EMP1: variants seen among roughly 807,000 people sequenced by gnomAD.
EMP1 encodes epithelial membrane protein 1, also known as tumor-associated membrane protein.
A neutral mutation model predicts 15.7 loss-of-function variants in EMP1; 5 were observed. The ratio of observed to expected loss-of-function variants is 0.32; its 90% CI spans 0.17 to 0.67. EMP1 has a LOEUF of 0.67. Ranked by LOEUF, EMP1 falls within the 30% of genes least tolerant of loss-of-function variation. The pLI, the probability that EMP1 is intolerant of heterozygous loss-of-function variation, is 0.74. For missense variants in EMP1, 166 were observed against 194.2 expected (o/e 0.85, Z 0.86); for synonymous variants, 78 against 76.7 (o/e 1.02, Z -0.09).
At chr12:13,213,290 C>A in intron 2 of EMP1, 189 bp from the exon 3 acceptor site, 1 of 612,672 alleles carries the variant, frequency 1.6e-6, no homozygotes, top group Middle Eastern at 4.4e-4. Context: ...TGTCTCTTCT[C>A]TTGGCAACTT....
chr12:13,214,236 C>T lies in EMP1; in HGVS notation c.317-298C>T, dbSNP rs562402311. 7.3e-4 allele frequency: 435 copies of T among 595,122 alleles called. 4 individuals are homozygous for T. The South Asian group carries it at 8.2e-3, about 11-fold the overall frequency. The allele number at this position is 595,122 out of a possible 1,614,324, so 36.9% of individuals were successfully genotyped here. Reference sequence around the variant, plus strand: ...CTCTTTTGCATCCCTGAGTAGCTTTCCTAGACCCACAAGGGCCAGACAGGA... The same window carrying T: ...CTCTTTTGCATCCCTGAGTAGCTTTTCTAGACCCACAAGGGCCAGACAGGA... On this transcript the variant is annotated intron_variant, in intron 4 of 4. Transcript: ENST00000256951.
Position 13,216,520 on chromosome 12 carries a change from C to T in EMP1, c.*1829C>T. On this transcript the variant is annotated 3_prime_UTR_variant, in exon 5 of 5. Transcript: ENST00000256951. ...TAGTGCAAAAAACATACTTACATTT[C>T]AGACATATCCAAAGGGAATACTCAC... 1 of 697,946 alleles carries T rather than the reference C, an allele frequency of 1.4e-6. No homozygotes were observed. The highest frequency in any genetic ancestry group is 2.6e-6 in the Non-Finnish European group (1 of 382,252). The allele number at this position is 697,946 out of a possible 1,614,324, so 43.2% of individuals were successfully genotyped here. A position where few individuals can be genotyped will look rare whatever the true frequency, so the allele number is the denominator to read the frequency against.
rs780856718 is a variant in EMP1 at position 13,214,620 on chromosome 12, A to G, written c.403A>G (p.Ile135Val). The change falls in exon 5 of 5, where the codon ATC (isoleucine) becomes GTC (valine). Residue 135 changes from isoleucine to valine, a missense_variant. Transcript: ENST00000256951. ...GTQYHHGYSY[I>V]LGWICFCFSF... ...GCAGTATCACCACGGCTATTCCTAC[A>G]TCCTGGGCTGGATCTGCTTCTGCTT... 10 of 1,613,610 alleles carry G rather than the reference A, an allele frequency of 6.2e-6. No homozygotes were observed. Among genetic ancestry groups the G allele is most frequent in the Admixed American group, 5.0e-5 (3 of 59,976 alleles).
intron 1 of EMP1, chr12:13,209,571 A>G (rs1864145997): frequency 6.6e-6 from 1 of 152,196 alleles, no homozygotes; most frequent in Admixed American, 6.5e-5. Flanking sequence ...CAGCTAAAGC[A>G]ACCCCATTAT....
intron 1 of EMP1, among the ~76,000 whole-genome samples, chr12:13,207,040 T>G (rs1377394085): frequency 6.6e-6 from 1 of 152,076 alleles, no homozygotes; most frequent in African/African-American, 2.4e-5. Flanking sequence ...TTATCCCTCT[T>G]TCCCTTCCCT....
At chr12:13,202,256 C>T (rs1038421368) in intron 1 of EMP1, among the ~76,000 whole-genome samples, 1 of 152,190 alleles carries the variant, frequency 6.6e-6, no homozygotes, top group Non-Finnish European at 1.5e-5. Flanking sequence ...TCTTTTGTCG[C>T]ATTGGCTACT....
intron 1 of EMP1, among the ~76,000 whole-genome samples, chr12:13,210,653 G>T (rs558451951): frequency 6.6e-6 from 1 of 152,188 alleles, no homozygotes; most frequent in African/African-American, 2.4e-5. Context: ...CAAGGAGAAG[G>T]CACATTTGGT....
In EMP1 at chr12:13,218,961, C is replaced by T. The variant is rs1488891261; in HGVS notation, c.*4270C>T. 2 of 152,206 alleles carry T rather than the reference C, an allele frequency of 1.3e-5. No individual in the cohort carries two copies. The highest frequency in any genetic ancestry group is 4.1e-4 in the South Asian group (2 of 4,828). The allele number at this position is 152,206 out of a possible 1,614,324, so 9.4% of individuals were successfully genotyped here. A position where few individuals can be genotyped will look rare whatever the true frequency, so the allele number is the denominator to read the frequency against. ...AGTTCTTCAGCTTTTCCTCATGACC[C>T]TATCTCATGCCATGAGCAATTGTCT... On this transcript the variant is annotated 3_prime_UTR_variant, in exon 5 of 5. Transcript: ENST00000256951.
intron 4 of EMP1, chr12:13,214,282 G>C (rs1864193486): frequency 9.9e-6 from 6 of 604,702 alleles, no homozygotes; most frequent in Non-Finnish European, 1.4e-5. Flanking sequence ...GTAGGCATGA[G>C]GTTCTGTGTT....
At chr12:13,203,090 C>T (rs937823851) in intron 1 of EMP1, among the ~76,000 whole-genome samples, 3 of 152,120 alleles carry the variant, frequency 2.0e-5, no homozygotes, top group African/African-American at 4.8e-5. Context: ...TGTCTCTAGG[C>T]GAGGGGCCTC....
intron 1 of EMP1, among the ~76,000 whole-genome samples, chr12:13,198,994 T>C (rs1358290695): frequency 6.3e-5 from 8 of 127,322 alleles, no homozygotes; most frequent in African/African-American, 2.0e-4. Flanking sequence ...CAGATCCAAT[T>C]CCACCCAGAC....
intron 2 of EMP1, among the ~76,000 whole-genome samples, chr12:13,212,755 G>A (rs578110047): frequency 2.0e-5 from 3 of 152,204 alleles, no homozygotes; most frequent in Admixed American, 2.0e-4. Context: ...GTGCATTTGT[G>A]TGTGTGTAGA....
At position 13,216,698 on chromosome 12, in the gene EMP1, A is replaced by G; in HGVS notation, c.*2007A>G. The G allele has an allele frequency of 2.3e-6, 1 of 439,550 alleles. No homozygotes were observed. Among genetic ancestry groups the G allele is most frequent in the Non-Finnish European group, 4.0e-6 (1 of 250,258 alleles). The allele number at this position is 439,550 out of a possible 1,614,324, so 27.2% of individuals were successfully genotyped here. A position where few individuals can be genotyped will look rare whatever the true frequency, so the allele number is the denominator to read the frequency against. ...GGCTTCTTCGTTAATAGATTATTTC[A>G]TATACTATAATTGTAAATATTTTGA... On this transcript the variant is annotated 3_prime_UTR_variant, in exon 5 of 5. Transcript: ENST00000256951.
At chr12:13,209,615 T>C (rs1031387649) in intron 1 of EMP1, 1 of 152,204 alleles carries the variant, frequency 6.6e-6, no homozygotes, top group Non-Finnish European at 1.5e-5. Context: ...CTAGGTGTTT[T>C]ACATAAACAA....
At chr12:13,200,318 A>G (rs1404077711) in intron 1 of EMP1, among the ~76,000 whole-genome samples, 2 of 152,084 alleles carry the variant, frequency 1.3e-5, no homozygotes, top group Non-Finnish European at 2.9e-5. Context: ...CCACACCTAT[A>G]CATTGTCACC....
At chr12:13,204,950 G>A (rs1019038095) in intron 1 of EMP1, among the ~76,000 whole-genome samples, 1 of 152,210 alleles carries the variant, frequency 6.6e-6, no homozygotes, top group African/African-American at 2.4e-5. Context: ...AGACAACCAT[G>A]CTAGAAAGAG....
At position 13,213,752 on chromosome 12, in the gene EMP1, G is replaced by A. The variant is rs201405991; in HGVS notation, c.247G>A (p.Val83Met). The A allele has an allele frequency of 7.7e-5, 125 of 1,614,090 alleles. 2 individuals carry two copies. The South Asian group carries it at 9.3e-4, about 12-fold the overall frequency. ...CTGTGTCATTGCCCTCCTGGTCTTCGTGTTCCAGCTCTTCACCATGGAGAA... is the reference window on the plus strand; with the variant it reads ...CTGTGTCATTGCCCTCCTGGTCTTCATGTTCCAGCTCTTCACCATGGAGAA... ...IFCVIALLVF[V>M]FQLFTMEKGN... The change falls in exon 4 of 5, where the codon GTG becomes ATG. Residue 83 changes from valine to methionine, a missense_variant. Val to Met is a conservative substitution (Grantham distance 21). Coordinates refer to ENST00000256951, the MANE Select transcript of EMP1 (RefSeq NM_001423.3).
rs1433643648 is a variant in EMP1 at position 13,218,537 on chromosome 12, G to A, written c.*3846G>A. 1 of 152,026 alleles carries A rather than the reference G, an allele frequency of 6.6e-6. No homozygotes were observed. The highest frequency in any genetic ancestry group is 1.9e-4 in the East Asian group (1 of 5,176). 9.4% of individuals were successfully genotyped at this position (152,026 alleles called of 1,614,324 possible). A position where few individuals can be genotyped will look rare whatever the true frequency, so the allele number is the denominator to read the frequency against. On this transcript the variant is annotated 3_prime_UTR_variant, in exon 5 of 5. Transcript: ENST00000256951. ...AATTTTGGAGTAGATTGTGAGGAGG[G>A]GTGACTCACTTTAAAGATGTATCAT...
rs1339958537 is a variant in EMP1 at position 13,214,418 on chromosome 12, G to A, written c.317-116G>A. 4.2e-6 allele frequency: 6 copies of A among 1,429,178 alleles called. No individual in the cohort carries two copies. In the African/African-American group the frequency reaches 8.5e-5, roughly 20 times the overall value. The allele number at this position is 1,429,178 out of a possible 1,614,324, so 88.5% of individuals were successfully genotyped here. On this transcript the variant is annotated intron_variant, in intron 4 of 4. Coordinates refer to ENST00000256951, the MANE Select transcript of EMP1 (RefSeq NM_001423.3). ...AGAACTCCTGTTTAGGGACAAACAAGCAGAATTCATTTTCCTATTGCTAAT... is the reference window on the plus strand; with the variant it reads ...AGAACTCCTGTTTAGGGACAAACAAACAGAATTCATTTTCCTATTGCTAAT...
Sources: gnomAD v4.1 joint callset for allele counts (sites outside exome capture counted in the v4.1 genomes callset) on GRCh38, gnomAD v4.1.1 for gene constraint, MANE v1.5 for transcripts, NCBI Gene and HGNC (gene_info 2026-07-23, HGNC 2026-07-21) for gene names.